Variants in FNDC3A observed in about 807,000 individuals in gnomAD.
FNDC3A encodes fibronectin type-III domain-containing protein 3A.
A neutral mutation model predicts 148.9 loss-of-function variants in FNDC3A; 32 were observed. The observed-to-expected ratio is 0.21, with a 90% confidence interval of 0.16 to 0.29. The LOEUF is 0.29. Ranked by LOEUF, FNDC3A falls within the 10% of genes least tolerant of loss-of-function variation. The pLI, the probability that FNDC3A is intolerant of heterozygous loss-of-function variation, is 1.00. For missense variants in FNDC3A, 1,191 were observed against 1,452.8 expected (o/e 0.82, Z 2.93); for synonymous variants, 472 against 473.6 (o/e 1.00, Z 0.04).
At chr13:49,181,150 A>C (rs1342400430) in intron 14 of FNDC3A, among the ~76,000 whole-genome samples, 2 of 152,168 alleles carry the variant, frequency 1.3e-5, no homozygotes, top group Non-Finnish European at 2.9e-5. Flanking sequence ...CAGGGGAGGG[A>C]GAAGTATACA....
At chr13:49,063,770 T>A (rs1877060931) in intron 2 of FNDC3A, among the ~76,000 whole-genome samples, 1 of 152,174 alleles carries the variant, frequency 6.6e-6, no homozygotes, top group Admixed American at 6.5e-5. Flanking sequence ...TTTACATGCC[T>A]CACATAGCTC....
chr13:49,043,172 C>T (rs1197477413), intron 2 of FNDC3A, among the ~76,000 whole-genome samples: 11 of 150,506 alleles, frequency 7.3e-5, no homozygotes, highest in Admixed American at 7.3e-4. Flanking sequence ...TACTGTGTTG[C>T]TTAGGCTGGT....
chr13:49,128,228 C>G (rs1041178374), intron 4 of FNDC3A, among the ~76,000 whole-genome samples: 2 of 152,184 alleles, frequency 1.3e-5, no homozygotes, highest in African/African-American at 2.4e-5. Flanking sequence ...ACCATCTCCA[C>G]TGCTGCTTCC....
At chr13:49,114,859 TA>T in intron 4 of FNDC3A, 128 bp downstream of exon 4, 7 of 715,890 alleles carry the variant, frequency 9.8e-6, no homozygotes, top group Non-Finnish European at 1.7e-5. Flanking sequence ...GTATCTATCA[TA>T]AATCTATTTC....
At chr13:49,018,538 T>C (rs1396110441) in intron 2 of FNDC3A, among the ~76,000 whole-genome samples, 1 of 152,288 alleles carries the variant, frequency 6.6e-6, no homozygotes, top group African/African-American at 2.4e-5. Context: ...TTCTTTGCCT[T>C]TGGTTTGAAT....
intron 1 of FNDC3A, among the ~76,000 whole-genome samples, chr13:48,978,035 T>C (rs1032593472): frequency 2.6e-5 from 4 of 152,134 alleles, no homozygotes; most frequent in African/African-American, 7.2e-5. Flanking sequence ...AGCATAGTTA[T>C]AAGGGTAATT....
chr13:49,116,827 A>G (rs1880996581), intron 4 of FNDC3A, among the ~76,000 whole-genome samples: 1 of 151,856 alleles, frequency 6.6e-6, no homozygotes, highest in African/African-American at 2.4e-5. Flanking sequence ...AGCTGGTTAT[A>G]TTTTACAAGA....
intron 5 of FNDC3A, among the ~76,000 whole-genome samples, chr13:49,135,199 A>G (rs1381693289): frequency 6.6e-6 from 1 of 151,516 alleles, no homozygotes; most frequent in African/African-American, 2.4e-5. Context: ...TGAATTCTTC[A>G]CCCATTTTTT....
chr13:49,036,054 A>T (rs1490997945), intron 2 of FNDC3A, among the ~76,000 whole-genome samples: 1 of 152,260 alleles, frequency 6.6e-6, no homozygotes, highest in Non-Finnish European at 1.5e-5. Flanking sequence ...AGTTAATTTA[A>T]TAGCACTTTA....
rs372031628 is a variant in FNDC3A at position 49,151,292 on chromosome 13, T to C, written c.977+5357T>C. ...GTGTTGGGTACATATATGTTTAGAATTGTTATATCCTCTTGCTGAATTGAT... is the reference window on the plus strand; with the variant it reads ...GTGTTGGGTACATATATGTTTAGAACTGTTATATCCTCTTGCTGAATTGAT... On this transcript the variant is annotated intron_variant, in intron 8 of 25. Coordinates refer to ENST00000492622, the MANE Select transcript of FNDC3A (RefSeq NM_001079673.2). 5.2e-3 allele frequency among the ~76,000 whole-genome samples: 797 copies of C among 152,330 alleles called. 6 individuals are homozygous for C. The highest frequency in any genetic ancestry group is 0.018 in the African/African-American group (762 of 41,566).
At chr13:49,068,258 A>T (rs372926272) in intron 2 of FNDC3A, among the ~76,000 whole-genome samples, 1 of 151,812 alleles carries the variant, frequency 6.6e-6, no homozygotes, top group African/African-American at 2.4e-5. Context: ...CAGCTACCCT[A>T]GAGGCAATGA....
intron 2 of FNDC3A, among the ~76,000 whole-genome samples, chr13:49,019,853 C>T (rs570346420): frequency 1.3e-5 from 2 of 152,054 alleles, no homozygotes; most frequent in East Asian, 1.9e-4. Context: ...TGGAGTTTAC[C>T]CTTTTGTTTC....
intron 2 of FNDC3A, among the ~76,000 whole-genome samples, chr13:49,030,452 G>A (rs924060429): frequency 8.5e-5 from 13 of 152,176 alleles, no homozygotes; most frequent in Admixed American, 5.2e-4. Flanking sequence ...CCTCTAAGAT[G>A]AGAAACAAGA....
At chr13:49,045,354 A>G (rs1042378609) in intron 2 of FNDC3A, 2 of 159,390 alleles carry the variant, frequency 1.3e-5, no homozygotes, top group South Asian at 1.9e-4. Context: ...GGGTTTCACC[A>G]TGTTGCCCAG....
chr13:49,141,408 T>C (rs762788596), intron 7 of FNDC3A, among the ~76,000 whole-genome samples: 12 of 152,232 alleles, frequency 7.9e-5, no homozygotes, highest in Non-Finnish European at 1.6e-4. Context: ...TTCAGAATCA[T>C]TACCCCTTCC....
intron 13 of FNDC3A, among the ~76,000 whole-genome samples, chr13:49,176,765 T>A (rs1033493184): frequency 1.3e-5 from 2 of 152,204 alleles, no homozygotes; most frequent in Admixed American, 6.5e-5. Context: ...CTTGGCTTGT[T>A]ACTGTTTGGG....
At chr13:49,140,170 A>C (rs1593648319) in intron 7 of FNDC3A, among the ~76,000 whole-genome samples, 1 of 152,112 alleles carries the variant, frequency 6.6e-6, no homozygotes, top group South Asian at 2.1e-4. Flanking sequence ...TCGTCTCTAC[A>C]AAAAACAAAT....
chr13:49,008,097 C>T (rs1952257253), intron 2 of FNDC3A, among the ~76,000 whole-genome samples: 1 of 151,880 alleles, frequency 6.6e-6, no homozygotes, highest in Admixed American at 6.6e-5. Context: ...AAATGTTTGC[C>T]GAATCCTAAG....
Position 49,066,198 on chromosome 13 carries a change from G to A in FNDC3A, c.100-9091G>A, listed in dbSNP as rs151157003. Among the ~76,000 whole-genome samples, 52 of 152,194 alleles carry A rather than the reference G, an allele frequency of 3.4e-4. 1 individual carries two copies. In the East Asian group the frequency reaches 8.5e-3, roughly 25 times the overall value. On this transcript the variant is annotated intron_variant, in intron 2 of 25. Transcript: ENST00000492622. ...CTTAAAAAACTGTATTCCTGTATTC[G>A]TTTTGGTTATTAAAATAGTCATTTG...
Sources: gnomAD v4.1 joint callset for allele counts (sites outside exome capture counted in the v4.1 genomes callset) on GRCh38, gnomAD v4.1.1 for gene constraint, MANE v1.5 for transcripts, NCBI Gene and HGNC (gene_info 2026-07-23, HGNC 2026-07-21) for gene names.